Variants in CNMD observed in about 807,000 individuals in gnomAD.
The protein encoded by CNMD is chondromodulin.
CNMD carries 30 observed loss-of-function variants against 37.5 expected under a neutral mutation model. The ratio of observed to expected loss-of-function variants is 0.80; its 90% CI spans 0.60 to 1.09. The LOEUF (loss-of-function observed/expected upper bound fraction) is 1.09. CNMD is among the 50% of genes least tolerant of loss of function. CNMD has a pLI of 0.00. For synonymous variants in CNMD, 167 were observed against 148.2 expected (o/e 1.13, Z -0.92); for missense variants, 398 against 423.9 (o/e 0.94, Z 0.54).
At chr13:52,726,262 A>C (rs1257557217) in intron 3 of CNMD, among the ~76,000 whole-genome samples, 1 of 152,212 alleles carries the variant, frequency 6.6e-6, no homozygotes, top group Admixed American at 6.5e-5. Flanking sequence ...CCAGGTGTTT[A>C]TAATTTAAAG....
chr13:52,708,636 C>A lies in CNMD; in HGVS notation c.689G>T (p.Ser230Ile). 1 of 1,613,934 alleles carries A rather than the reference C, an allele frequency of 6.2e-7. No individual in the cohort carries two copies. Among genetic ancestry groups the A allele is most frequent in the Middle Eastern group, 1.6e-4 (1 of 6,062 alleles). Residue 230 changes from serine to isoleucine, a missense_variant, in exon 6 of 7, where the codon AGT (serine) becomes ATT (isoleucine). Physicochemically the swap from Ser to Ile is moderately radical, Grantham distance 142 (BLOSUM62 -2). Coordinates refer to ENST00000377962, the MANE Select transcript of CNMD (RefSeq NM_007015.3). Reference sequence around the variant, plus strand: ...AGCGCCTGGGTTGCTCCGTGGTCCACTGTGTGGTCTTTTTGTGGTAGTTGG... The same window carrying A: ...AGCGCCTGGGTTGCTCCGTGGTCCAATGTGTGGTCTTTTTGTGGTAGTTGG... The part of the protein sequence containing the change: ...IVPTTTKRPH[S>I]GPRSNPGAGR...
intron 2 of CNMD, among the ~76,000 whole-genome samples, chr13:52,736,047 G>A (rs1964756055): frequency 6.6e-6 from 1 of 151,398 alleles, no homozygotes; most frequent in Non-Finnish European, 1.5e-5. Context: ...AGGCTGGAGT[G>A]CAGTGGCACA....
intron 4 of CNMD, among the ~76,000 whole-genome samples, chr13:52,715,307 C>A (rs1964355455): frequency 6.6e-6 from 1 of 152,140 alleles, no homozygotes; most frequent in Non-Finnish European, 1.5e-5. Flanking sequence ...GTTCCAGCCT[C>A]TGGTAATCAT....
intron 4 of CNMD, among the ~76,000 whole-genome samples, chr13:52,721,175 G>C (rs1407208674): frequency 2.0e-5 from 3 of 152,112 alleles, no homozygotes; most frequent in Non-Finnish European, 4.4e-5. Context: ...GTCCCAGGTC[G>C]ACTTCAAACT....
chr13:52,706,361 G>C (rs1964173576), intron 6 of CNMD, among the ~76,000 whole-genome samples: 1 of 152,142 alleles, frequency 6.6e-6, no homozygotes, highest in African/African-American at 2.4e-5. Flanking sequence ...TTATGCTAAA[G>C]GTAGACTTCC....
rs549775627 is a variant in CNMD at position 52,708,476 on chromosome 13, C to T, written c.789+60G>A. On this transcript the variant is annotated intron_variant, in intron 6 of 6. Transcript: ENST00000377962. ...GATTACAGGCGTAAGCCACCACGCC[C>T]GGCCTTGGCACTATGTTTAATGCAT... 3.1e-5 allele frequency: 46 copies of T among 1,488,216 alleles called. No individual in the cohort carries two copies. The African/African-American group carries it at 3.4e-4, about 11-fold the overall frequency. The allele number at this position is 1,488,216 out of a possible 1,614,324, so 92.2% of individuals were successfully genotyped here.
Position 52,733,341 on chromosome 13 carries a change from T to C in CNMD, c.232A>G (p.Thr78Ala). ...TGTAATTTCCCATTGATACTCATGG[T>C]GTAATGGACATTGTAAATCTGAAAG... ...SDSHIYNVHY[T>A]MSINGKLQDG... The change falls in exon 3 of 7, where the codon ACC becomes GCC. Residue 78 changes from threonine to alanine, a missense_variant. Transcript: ENST00000377962. 1 of 1,613,848 alleles carries C rather than the reference T, an allele frequency of 6.2e-7. No individual in the cohort carries two copies. Among genetic ancestry groups the C allele is most frequent in the East Asian group, 2.2e-5 (1 of 44,874 alleles).
intron 3 of CNMD, 82 bp from the exon 4 acceptor site, chr13:52,724,192 T>C: frequency 2.0e-6 from 2 of 1,022,286 alleles, no homozygotes; most frequent in Non-Finnish European, 1.5e-6. Flanking sequence ...TTCCAGATGC[T>C]GTTCCGGGTG....
rs1041649815 is a variant in CNMD at position 52,708,625 on chromosome 13, T to A, written c.700A>T (p.Ser234Cys). The change falls in exon 6 of 7, where the codon AGC becomes TGC. Residue 234 changes from serine (S) to cysteine (C), a missense_variant. Ser to Cys is a moderately radical substitution (Grantham distance 112). Coordinates refer to ENST00000377962, the MANE Select transcript of CNMD (RefSeq NM_007015.3). ...TTCAGTCTTCCAGCGCCTGGGTTGC[T>A]CCGTGGTCCACTGTGTGGTCTTTTT... ...TTKRPHSGPR[S>C]NPGAGRLNNE... 5 of 1,614,088 alleles carry A rather than the reference T, an allele frequency of 3.1e-6. No individual in the cohort carries two copies. Among genetic ancestry groups the A allele is most frequent in the Non-Finnish European group, 4.2e-6 (5 of 1,179,954 alleles).
chr13:52,719,417 A>G (rs1209418549), intron 4 of CNMD, among the ~76,000 whole-genome samples: 1 of 152,192 alleles, frequency 6.6e-6, no homozygotes, highest in African/African-American at 2.4e-5. Flanking sequence ...GTTTCTTCAT[A>G]GTGTTGATGG....
intron 2 of CNMD, 122 bp downstream of exon 2, chr13:52,738,909 G>C: frequency 1.2e-6 from 1 of 860,508 alleles, no homozygotes; most frequent in South Asian, 3.3e-5. Flanking sequence ...GGAGAGGGGA[G>C]CTCACGCTGG....
At chr13:52,735,651 A>G (rs1481150588) in intron 2 of CNMD, among the ~76,000 whole-genome samples, 1 of 151,318 alleles carries the variant, frequency 6.6e-6, no homozygotes, top group Non-Finnish European at 1.5e-5. Flanking sequence ...CACTAACACT[A>G]ACGATAGCTG....
intron 3 of CNMD, among the ~76,000 whole-genome samples, chr13:52,726,483 A>G (rs959965982): frequency 6.6e-6 from 1 of 151,912 alleles, no homozygotes; most frequent in Non-Finnish European, 1.5e-5. Context: ...AAGAAAAATC[A>G]CAGACACCAC....
chr13:52,711,740 A>T (rs956181269), intron 5 of CNMD, among the ~76,000 whole-genome samples: 1 of 152,230 alleles, frequency 6.6e-6, no homozygotes, highest in Admixed American at 6.5e-5. Flanking sequence ...GAAATTTACC[A>T]TGTTAACCAT....
intron 2 of CNMD, 62 bp downstream of exon 2, chr13:52,738,969 G>C: frequency 7.2e-7 from 1 of 1,396,166 alleles, no homozygotes; most frequent in Non-Finnish European, 9.3e-7. Flanking sequence ...CCCGCGCTCG[G>C]GCTCCCCCTA....
At chr13:52,736,701 C>G (rs372199175) in intron 2 of CNMD, among the ~76,000 whole-genome samples, 17 of 152,160 alleles carry the variant, frequency 1.1e-4, no homozygotes, top group African/African-American at 4.1e-4. Context: ...GTGCCTTTTA[C>G]AGCCAAGGAT....
chr13:52,714,012 T>C (rs1366658587), intron 4 of CNMD, among the ~76,000 whole-genome samples: 4 of 152,220 alleles, frequency 2.6e-5, no homozygotes, highest in Non-Finnish European at 5.9e-5. Flanking sequence ...TTGCTTTCTC[T>C]AGTTCTCCTG....
At chr13:52,726,283 A>T (rs1964570810) in intron 3 of CNMD, among the ~76,000 whole-genome samples, 1 of 152,238 alleles carries the variant, frequency 6.6e-6, no homozygotes, top group Non-Finnish European at 1.5e-5. Flanking sequence ...GGTTGATGCC[A>T]GGGTTGAAGA....
At chr13:52,730,048 C>T (rs1197573955) in intron 3 of CNMD, among the ~76,000 whole-genome samples, 1 of 150,528 alleles carries the variant, frequency 6.6e-6, no homozygotes, top group Non-Finnish European at 1.5e-5. Flanking sequence ...GTTCAATTCC[C>T]ACCTATGAGT....
Sources: allele counts gnomAD v4.1 joint callset (sites outside exome capture counted in the v4.1 genomes callset), GRCh38; gene constraint gnomAD v4.1.1; transcripts MANE v1.5; gene names NCBI Gene and HGNC (gene_info 2026-07-23, HGNC 2026-07-21).